The following LYPD6 variants were observed in gnomAD, a reference collection of about 807,000 sequenced individuals.
LYPD6 encodes ly6/PLAUR domain-containing protein 6.
A neutral mutation model predicts 22.7 loss-of-function variants in LYPD6; 15 were observed. The ratio of observed to expected loss-of-function variants is 0.66; its 90% CI spans 0.44 to 1.02. The LOEUF is 1.02. Ranked by LOEUF, LYPD6 falls within the 50% of genes least tolerant of loss-of-function variation. LYPD6 has a pLI of 0.00. For missense variants in LYPD6, 189 were observed against 208.4 expected (o/e 0.91, Z 0.57); for synonymous variants, 72 against 77.5 (o/e 0.93, Z 0.37).
At chr2:149,421,129 C>T (rs1573793453) in intron 1 of LYPD6, among the ~76,000 whole-genome samples, 1 of 152,112 alleles carries the variant, frequency 6.6e-6, no homozygotes, top group African/African-American at 2.4e-5. Context: ...TTTAATCCCA[C>T]CACTTTCTTT....
intron 1 of LYPD6, among the ~76,000 whole-genome samples, chr2:149,389,279 G>A (rs1682256593): frequency 6.6e-6 from 1 of 152,146 alleles, no homozygotes; most frequent in Non-Finnish European, 1.5e-5. Context: ...GTTGGGGCCA[G>A]TTATACAGGG....
chr2:149,410,975 A>G (rs1682838099), intron 1 of LYPD6, among the ~76,000 whole-genome samples: 1 of 152,208 alleles, frequency 6.6e-6, no homozygotes, highest in Non-Finnish European at 1.5e-5. Context: ...TGAAATGCTT[A>G]TGTGAAGAGT....
downstream of LYPD6, among the ~76,000 whole-genome samples, chr2:149,476,850 C>T (rs1322803209): frequency 6.6e-6 from 1 of 152,200 alleles, no homozygotes; most frequent in African/African-American, 2.4e-5. Flanking sequence ...TTCTCAGCTA[C>T]CTCCTGGCTA....
chr2:149,428,963 T>C (rs1382075938), intron 1 of LYPD6, among the ~76,000 whole-genome samples: 1 of 152,168 alleles, frequency 6.6e-6, no homozygotes, highest in Non-Finnish European at 1.5e-5. Flanking sequence ...TCATTTTGCA[T>C]GCCTAGGCTA....
intron 1 of LYPD6, among the ~76,000 whole-genome samples, chr2:149,402,670 T>G (rs1682586480): frequency 6.6e-6 from 1 of 152,336 alleles, no homozygotes; most frequent in South Asian, 2.1e-4. Flanking sequence ...GTTGGCTGTT[T>G]GTGTATCTTC....
chr2:149,459,911 A>T (rs1681049695), intron 3 of LYPD6, among the ~76,000 whole-genome samples: 1 of 152,082 alleles, frequency 6.6e-6, no homozygotes, highest in African/African-American at 2.4e-5. Context: ...CAAAAAAAAA[A>T]AAAAAATTAT....
chr2:149,405,942 C>G (rs1682694309), intron 1 of LYPD6, among the ~76,000 whole-genome samples: 1 of 148,798 alleles, frequency 6.7e-6, no homozygotes, highest in Admixed American at 6.7e-5. Flanking sequence ...TGTCTTTGTT[C>G]TCATTGGTTT....
Position 149,342,656 on chromosome 2 carries a change from T to G in LYPD6, c.-72+11934T>G, listed in dbSNP as rs539292677. On this transcript the variant is annotated intron_variant, in intron 1 of 4. Transcript: ENST00000334166. ...AGGGAATAATGTGCATAGTTAGGGCTGGTATTTTTTAAACAAAGAAATAGA... is the reference window on the plus strand; with the variant it reads ...AGGGAATAATGTGCATAGTTAGGGCGGGTATTTTTTAAACAAAGAAATAGA... Among the ~76,000 whole-genome samples the G allele has an allele frequency of 4.6e-5, 7 of 152,324 alleles. No homozygotes were observed. In the South Asian group the frequency reaches 1.4e-3, roughly 32 times the overall value.
intron 1 of LYPD6, among the ~76,000 whole-genome samples, chr2:149,394,803 G>C (rs1342710347): frequency 6.6e-6 from 1 of 152,118 alleles, no homozygotes; most frequent in East Asian, 1.9e-4. Flanking sequence ...CCATCAACCA[G>C]TGTTGAACAG....
chr2:149,452,673 A>G (rs766035597), intron 3 of LYPD6, among the ~76,000 whole-genome samples: 1 of 152,344 alleles, frequency 6.6e-6, no homozygotes, highest in Admixed American at 6.5e-5. Flanking sequence ...GAATAAGTGC[A>G]CACCCCAAAT....
At chr2:149,395,329 A>G (rs994596174) in intron 1 of LYPD6, among the ~76,000 whole-genome samples, 9 of 152,114 alleles carry the variant, frequency 5.9e-5, no homozygotes, top group East Asian at 1.9e-4. Context: ...CTTTTTCAAA[A>G]GTTTTCTGCC....
At chr2:149,372,644 TA>T (rs1299085499) in intron 1 of LYPD6, among the ~76,000 whole-genome samples, 1 of 152,186 alleles carries the variant, frequency 6.6e-6, no homozygotes, top group East Asian at 1.9e-4. Flanking sequence ...TGGTTTAGTT[TA>T]AAAAATTATT....
intron 1 of LYPD6, among the ~76,000 whole-genome samples, chr2:149,395,588 G>T (rs2105103050): frequency 6.6e-6 from 1 of 152,018 alleles, no homozygotes. Flanking sequence ...TTTAGAGTTG[G>T]TGTTCCTAGG....
At chr2:149,438,573 C>T (rs1683487461) in intron 2 of LYPD6, among the ~76,000 whole-genome samples, 1 of 152,168 alleles carries the variant, frequency 6.6e-6, no homozygotes, top group African/African-American at 2.4e-5. Flanking sequence ...CGGCTTTTGC[C>T]CCAAGGTGCA....
intron 1 of LYPD6, among the ~76,000 whole-genome samples, chr2:149,372,776 T>C (rs763480216): frequency 6.6e-6 from 1 of 152,204 alleles, no homozygotes; most frequent in Non-Finnish European, 1.5e-5. Flanking sequence ...ATAAGCTTTC[T>C]AGAATGCTGG....
intron 1 of LYPD6, among the ~76,000 whole-genome samples, chr2:149,357,528 T>G (rs1412700959): frequency 6.6e-6 from 1 of 152,216 alleles, no homozygotes; most frequent in African/African-American, 2.4e-5. Context: ...CCCCAAAGGC[T>G]AAAACTGTAC....
chr2:149,356,606 T>G (rs1379744595), intron 1 of LYPD6, among the ~76,000 whole-genome samples: 1 of 152,168 alleles, frequency 6.6e-6, no homozygotes, highest in East Asian at 1.9e-4. Context: ...GGTTGGTGAT[T>G]TAGAGCAGAT....
intron 1 of LYPD6, among the ~76,000 whole-genome samples, chr2:149,352,901 G>A (rs1474621476): frequency 6.6e-6 from 1 of 152,238 alleles, no homozygotes; most frequent in African/African-American, 2.4e-5. Context: ...CTTGCAAGAT[G>A]TGAACTTTCG....
intron 1 of LYPD6, among the ~76,000 whole-genome samples, chr2:149,344,453 GA>G: frequency 6.6e-6 from 1 of 152,134 alleles, no homozygotes; most frequent in Admixed American, 6.5e-5. Context: ...TAATAGAGGG[GA>G]TAATATTTCA....
Sources: gnomAD v4.1 joint callset for allele counts (sites outside exome capture counted in the v4.1 genomes callset) on GRCh38, gnomAD v4.1.1 for gene constraint, MANE v1.5 for transcripts, NCBI Gene and HGNC (gene_info 2026-07-23, HGNC 2026-07-21) for gene names.